The following EPHB4 variants were observed in gnomAD, a reference collection of about 807,000 sequenced individuals.
The protein encoded by EPHB4 is ephrin type-B receptor 4.
Under a neutral mutation model 110.6 loss-of-function variants are expected in EPHB4, and 50 were observed. The ratio of observed to expected loss-of-function variants is 0.45; its 90% confidence interval spans 0.36 to 0.57. EPHB4 has a LOEUF of 0.57. Ranked by LOEUF, EPHB4 falls within the 20% of genes least tolerant of loss-of-function variation. EPHB4 has a pLI of 0.00. For missense variants in EPHB4, 1,128 were observed against 1,382.1 expected (o/e 0.82, Z 2.91); for synonymous variants, 592 against 578.4 (o/e 1.02, Z -0.34).
At position 100,803,275 on chromosome 7, in the gene EPHB4, T is replaced by C. The variant is rs563771164; in HGVS notation, c.*186A>G. ...TTGGTCTGGAGTTCCCCGAGGTGGC[T>C]GGGGGGTGATTTTCCCCTCCTATTA... On this transcript the variant is annotated 3_prime_UTR_variant, in exon 17 of 17. Coordinates refer to ENST00000358173, the MANE Select transcript of EPHB4 (RefSeq NM_004444.5). 6.9e-5 allele frequency: 46 copies of C among 664,402 alleles called. No homozygotes were observed. In the African/African-American group the frequency reaches 7.1e-4, roughly 10 times the overall value. The allele number at this position is 664,402 out of a possible 1,614,324, so 41.2% of individuals were successfully genotyped here.
intron 10 of EPHB4, 87 bp from the exon 11 acceptor site, chr7:100,813,295 C>CT (rs1491410792): frequency 6.2e-6 from 6 of 966,090 alleles, no homozygotes; most frequent in Non-Finnish European, 9.0e-6. Flanking sequence ...CCCCAAACCC[C>CT]TGTCTCCGTG....
intron 8 of EPHB4, among the ~76,000 whole-genome samples, chr7:100,816,054 C>T (rs952208376): frequency 6.6e-6 from 1 of 151,052 alleles, no homozygotes; most frequent in Admixed American, 6.6e-5. Flanking sequence ...TTCGGGAAGC[C>T]GAGGCGGGTG....
At position 100,826,959 on chromosome 7, in the gene EPHB4, C is replaced by G. The variant is rs772598797; in HGVS notation, c.52+20G>C. Reference sequence around the variant, plus strand: ...GTCCCAGGAGTGACGGGGTGCGCCCCCCCCCGCAAGGAAACTCACCTTCCA... The same window carrying G: ...GTCCCAGGAGTGACGGGGTGCGCCCGCCCCCGCAAGGAAACTCACCTTCCA... On this transcript the variant is annotated intron_variant, in intron 1 of 16. Transcript: ENST00000358173. The G allele has an allele frequency of 7.2e-6, 11 of 1,536,544 alleles. No individual in the cohort carries two copies. Among genetic ancestry groups the G allele is most frequent in the Non-Finnish European group, 9.7e-6 (11 of 1,138,722 alleles).
At chr7:100,812,366 G>A (rs1264561390) in intron 12 of EPHB4, among the ~76,000 whole-genome samples, 1 of 152,054 alleles carries the variant, frequency 6.6e-6, no homozygotes, top group East Asian at 1.9e-4. Flanking sequence ...GAGGTGGGGA[G>A]ATCACTTGAG....
chr7:100,823,566 C>G, intron 3 of EPHB4, 78 bp downstream of exon 3: 1 of 1,546,898 alleles, frequency 6.5e-7, no homozygotes, highest in Non-Finnish European at 8.7e-7. Context: ...GCAACTACAT[C>G]GGCTGCCCTC....
intron 8 of EPHB4, among the ~76,000 whole-genome samples, chr7:100,814,890 A>G (rs950503053): frequency 6.6e-6 from 1 of 151,986 alleles, no homozygotes; most frequent in Non-Finnish European, 1.5e-5. Flanking sequence ...GGTGGTGAGC[A>G]CGTGTGGTCC....
chr7:100,823,770 G>C lies in EPHB4; in HGVS notation c.285C>G (p.Leu95=). The part of the protein sequence containing the change: ...HVYATLRFTM[L]ECLSLPRAGR... Reference sequence around the variant, plus strand: ...CAGCCCGAGGCAGGGACAGGCACTCGAGCATGGTGAAGCGCAGCGTGGCGT... The same window carrying C: ...CAGCCCGAGGCAGGGACAGGCACTCCAGCATGGTGAAGCGCAGCGTGGCGT... Residue 95 remains leucine (L), a synonymous_variant, in exon 3 of 17, where the codon CTC becomes CTG. Transcript: ENST00000358173. 6 of 1,613,560 alleles carry C rather than the reference G, an allele frequency of 3.7e-6. No homozygotes were observed. The highest frequency in any genetic ancestry group is 5.1e-6 in the Non-Finnish European group (6 of 1,179,952).
chr7:100,804,682 G>A (rs555540064), intron 16 of EPHB4, among the ~76,000 whole-genome samples: 38 of 152,038 alleles, frequency 2.5e-4, no homozygotes, highest in South Asian at 8.3e-4. Flanking sequence ...GGAGAGGAAC[G>A]GGAAGGCAGA....
intron 5 of EPHB4, 56 bp downstream of exon 5, chr7:100,820,085 C>T: frequency 6.3e-7 from 1 of 1,591,184 alleles, no homozygotes; most frequent in Non-Finnish European, 8.6e-7. Context: ...TGAGGGTCCA[C>T]CTCAGAGGTC....
At chr7:100,811,465 A>T (rs1400650750) in intron 12 of EPHB4, among the ~76,000 whole-genome samples, 1 of 151,890 alleles carries the variant, frequency 6.6e-6, no homozygotes, top group Non-Finnish European at 1.5e-5. Context: ...GCCCCATTAG[A>T]CCCTCTGCTC....
chr7:100,815,804 T>C (rs12670773), intron 8 of EPHB4, among the ~76,000 whole-genome samples: 10,021 of 151,242 alleles, frequency 0.066, 1,495 homozygotes, highest in East Asian at 0.57. Context: ...CTGGGCAACA[T>C]AGGGAAACTG....
rs112803997 is a variant in EPHB4, at chr7:100,803,476, C to A, written c.2949G>T (p.Pro983=). Residue 983 remains proline (P), a synonymous_variant, in exon 17 of 17, where the codon CCG becomes CCT. Transcript: ENST00000358173. ...KPGTPGGTGG[P]APQY Reference sequence around the variant, plus strand: ...TTCCTGCAGGTCAGTACTGCGGGGCCGGTCCTCCTGTCCCACCCGGGGTTC... The same window carrying A: ...TTCCTGCAGGTCAGTACTGCGGGGCAGGTCCTCCTGTCCCACCCGGGGTTC... The A allele has an allele frequency of 5.3e-3, 8,286 of 1,575,352 alleles. 253 individuals carry two copies. The African/African-American group carries it at 0.08, about 15-fold the overall frequency.
At chr7:100,826,283 C>T (rs1279401330) in intron 1 of EPHB4, among the ~76,000 whole-genome samples, 1 of 151,594 alleles carries the variant, frequency 6.6e-6, no homozygotes, top group Non-Finnish European at 1.5e-5. Flanking sequence ...TCAGTTTCTA[C>T]CTGGGGGCTG....
chr7:100,806,509 A>T lies in EPHB4; in HGVS notation c.2395T>A (p.Ser799Thr), dbSNP rs1199276301. The change falls in exon 14 of 17, where the codon TCC becomes ACC. Residue 799 changes from serine (S) to threonine (T), a missense_variant. By Grantham distance (58) the Ser-to-Thr change is moderately conservative. This residue lies in a region of EPHB4 where 191 missense variants were observed against 313.0 expected (regional missense o/e 0.61). Coordinates refer to ENST00000358173, the MANE Select transcript of EPHB4 (RefSeq NM_004444.5). ...PEAIAFRKFT[S>T]ASDAWSYGIV... ...CCGTAACTCCAGGCATCACTGGCGGAAGTGAACTTCCGGAAGGCAATGGCC... is the reference window on the plus strand; with the variant it reads ...CCGTAACTCCAGGCATCACTGGCGGTAGTGAACTTCCGGAAGGCAATGGCC... 1 of 1,613,990 alleles carries T rather than the reference A, an allele frequency of 6.2e-7. No homozygotes were observed. Among genetic ancestry groups the T allele is most frequent in the Non-Finnish European group, 8.5e-7 (1 of 1,180,016 alleles).
At chr7:100,820,376 A>T in intron 4 of EPHB4, 80 bp from the exon 5 acceptor site, 1 of 1,493,368 alleles carries the variant, frequency 6.7e-7, no homozygotes, top group Non-Finnish European at 8.9e-7. Flanking sequence ...CATGCCTCGA[A>T]TCCCAGCACT....
rs779782731 is a variant in EPHB4 at position 100,819,563 on chromosome 7, G to C, written c.1291C>G (p.Arg431Gly). 1.3e-6 allele frequency: 2 copies of C among 1,558,504 alleles called. No homozygotes were observed. Among genetic ancestry groups the C allele is most frequent in the Non-Finnish European group, 1.7e-6 (2 of 1,146,378 alleles). ...CCCAGCCCCCAAGTCTCACCCTCTC[G>C]GTCAGTGGTGACATTGACAGGCTCA... ...PFEPVNVTTD[R>G]EVPPAVSDIR... The change falls in exon 6 of 17, where the codon CGA becomes GGA. Residue 431 changes from arginine (R) to glycine (G), a missense_variant. Arg to Gly is a moderately radical substitution (Grantham distance 125). Transcript: ENST00000358173.
chr7:100,803,510 G>T lies in EPHB4; in HGVS notation c.2915C>A (p.Ala972Asp), dbSNP rs1365926219. ...LASVQHMKSQ[A>D]KPGTPGGTGG... The stretch of plus-strand genomic sequence containing the variant: ...TGTCCCACCCGGGGTTCCCGGCTTG[G>T]CCTGGGACTTCATGTGCTGGACACT... The change falls in exon 17 of 17, where the codon GCC (alanine) becomes GAC (aspartate). Residue 972 changes from alanine to aspartate, a missense_variant. By Grantham distance (126) the Ala-to-Asp change is moderately radical. This residue lies in a region of EPHB4 where 209 missense variants were observed against 240.5 expected (regional missense o/e 0.87). Transcript: ENST00000358173. The T allele has an allele frequency of 1.9e-6, 3 of 1,592,296 alleles. No homozygotes were observed. Among genetic ancestry groups the T allele is most frequent in the East Asian group, 2.3e-5 (1 of 44,258 alleles).
intron 3 of EPHB4, 127 bp downstream of exon 3, chr7:100,823,517 C>CTCCTGCT: frequency 7.9e-7 from 1 of 1,267,086 alleles, no homozygotes; most frequent in Non-Finnish European, 1.1e-6. Context: ...AGACCTAAGC[C>CTCCTGCT]TCCTGCTTCC....
Position 100,803,256 on chromosome 7 carries a change from TG to T in EPHB4, c.*204del. On this transcript the variant is annotated 3_prime_UTR_variant, in exon 17 of 17. Transcript: ENST00000358173. ...GGGAAAGGCGCCCTCACCCTTGGTC[TG>T]GAGTTCCCCGAGGTGGCTGGGGGGT... 1.8e-6 allele frequency: 1 copy of T among 551,198 alleles called. No homozygotes were observed. The highest frequency in any genetic ancestry group is 2.9e-6 in the Non-Finnish European group (1 of 340,094). 34.1% of individuals were successfully genotyped at this position (551,198 alleles called of 1,614,324 possible).
Sources: allele counts gnomAD v4.1 joint callset (sites outside exome capture counted in the v4.1 genomes callset), GRCh38; gene constraint gnomAD v4.1.1; regional missense constraint gnomAD v4.1.1; transcripts MANE v1.5; gene names NCBI Gene and HGNC (gene_info 2026-07-23, HGNC 2026-07-21).